Variants in SAMD4A observed in about 807,000 individuals in gnomAD.
SAMD4A encodes the protein sterile alpha motif domain containing 4A.
Under a neutral mutation model 81.3 loss-of-function variants are expected in SAMD4A, and 33 were observed. The observed-to-expected ratio is 0.41, with a 90% confidence interval of 0.31 to 0.54. The LOEUF (loss-of-function observed/expected upper bound fraction) is 0.54. Among genes scored for constraint, SAMD4A ranks in the 20% least tolerant of loss-of-function variants. The pLI is 0.37. For synonymous variants in SAMD4A, 389 were observed against 382.1 expected, an observed-to-expected ratio of 1.02 and a Z score of -0.21; for missense variants, 854 against 951.1, an observed-to-expected ratio of 0.90 and a Z score of 1.34.
At chr14:54,573,181 G>T (rs1337291322) in intron 2 of SAMD4A, among the ~76,000 whole-genome samples, 1 of 152,164 alleles carries the variant, frequency 6.6e-6, no homozygotes, top group Non-Finnish European at 1.5e-5. Context: ...ACTGCTGCTT[G>T]TAAGTTGTAG....
chr14:54,569,380 G>C (rs2033061640), intron 2 of SAMD4A, among the ~76,000 whole-genome samples: 1 of 152,192 alleles, frequency 6.6e-6, no homozygotes, highest in African/African-American at 2.4e-5. Context: ...TAGGGTGGAA[G>C]TGACCGCTGG....
At chr14:54,639,304 C>T (rs925800286) in intron 2 of SAMD4A, among the ~76,000 whole-genome samples, 16 of 152,226 alleles carry the variant, frequency 1.1e-4, no homozygotes, top group African/African-American at 3.6e-4. Flanking sequence ...ACAATCTCCT[C>T]TAGCCTGCAG....
At chr14:54,723,194 G>A (rs199566148) in intron 3 of SAMD4A, among the ~76,000 whole-genome samples, 46 of 151,980 alleles carry the variant, frequency 3.0e-4, no homozygotes, top group African/African-American at 1.1e-3. Flanking sequence ...TTGATTTTTT[G>A]TGTAGATGCT....
At position 54,755,492 on chromosome 14, in the gene SAMD4A, A is replaced by AGG. The variant is rs1400825500; in HGVS notation, c.1176+3958_1176+3959dup. ...CCCTGAGGAGCACCGTAAGATATGG[A>AGG]GGGGCTGAACAATAACACAGGCTAT... On this transcript the variant is annotated intron_variant, in intron 6 of 12. Transcript: ENST00000554335. 3.3e-5 allele frequency among the ~76,000 whole-genome samples: 5 copies of AGG among 152,246 alleles called. No homozygotes were observed. In the South Asian group the frequency reaches 1.0e-3, roughly 32 times the overall value.
chr14:54,745,816 G>A (rs2037954635), intron 4 of SAMD4A, among the ~76,000 whole-genome samples: 1 of 152,140 alleles, frequency 6.6e-6, no homozygotes, highest in Admixed American at 6.5e-5. Flanking sequence ...CCAACCAGAG[G>A]CATGCATGCC....
chr14:54,789,307 C>T lies in SAMD4A; in HGVS notation c.*363C>T, dbSNP rs2039219055. 2 of 281,128 alleles carry T rather than the reference C, an allele frequency of 7.1e-6. No homozygotes were observed. The highest frequency in any genetic ancestry group is 4.7e-5 in the Admixed American group (1 of 21,350). The allele number at this position is 281,128 out of a possible 1,614,324, so 17.4% of individuals were successfully genotyped here. A position where few individuals can be genotyped will look rare whatever the true frequency, so the allele number is the denominator to read the frequency against. ...AAGAGATAGGAGACACATAAGAGGA[C>T]AGCAGAAGCCCTGGCCCTGGGGAGG... On this transcript the variant is annotated 3_prime_UTR_variant, in exon 13 of 13. Coordinates refer to ENST00000554335, the MANE Select transcript of SAMD4A (RefSeq NM_015589.6).
At chr14:54,574,445 A>G (rs1266145221) in intron 2 of SAMD4A, among the ~76,000 whole-genome samples, 1 of 152,186 alleles carries the variant, frequency 6.6e-6, no homozygotes, top group Admixed American at 6.5e-5. Flanking sequence ...AAAACCACAC[A>G]TGCAGGGAAC....
chr14:54,642,809 C>A (rs961567875), intron 2 of SAMD4A, among the ~76,000 whole-genome samples: 7 of 152,162 alleles, frequency 4.6e-5, no homozygotes, highest in Non-Finnish European at 8.8e-5. Context: ...AACCTGCAGA[C>A]CCTGCATGCG....
intron 3 of SAMD4A, among the ~76,000 whole-genome samples, chr14:54,716,680 G>A (rs2037126491): frequency 6.6e-6 from 1 of 152,128 alleles, no homozygotes; most frequent in African/African-American, 2.4e-5. Context: ...ATAAAGTATT[G>A]AAAACAAATA....
chr14:54,783,534 G>A (rs555366108), intron 11 of SAMD4A, among the ~76,000 whole-genome samples: 6 of 152,328 alleles, frequency 3.9e-5, no homozygotes, highest in East Asian at 1.9e-4. Flanking sequence ...CAGCACTGTC[G>A]GTCAGTGGGA....
rs371698117 is a variant in SAMD4A, at chr14:54,776,436, G to A, written c.1940G>A (p.Gly647Glu). 7.5e-6 allele frequency: 12 copies of A among 1,591,198 alleles called. No individual in the cohort carries two copies. Among genetic ancestry groups the A allele is most frequent in the Non-Finnish European group, 1.0e-5 (12 of 1,169,910 alleles). Reference sequence around the variant, plus strand: ...CAGAACCTGTGGTTTGCCAACCCCGGGGGCAGCAATAGCATGCCAAGCCGC... The same window carrying A: ...CAGAACCTGTGGTTTGCCAACCCCGAGGGCAGCAATAGCATGCCAAGCCGC... ...GRQNLWFANPGGSNSMPSRTH... is the reference protein window; with the variant it reads ...GRQNLWFANPEGSNSMPSRTH... The change falls in exon 11 of 13, where the codon GGG (glycine) becomes GAG (glutamate). Residue 647 changes from glycine to glutamate, a missense_variant. Transcript: ENST00000554335.
At chr14:54,651,103 G>A (rs2035393794) in intron 2 of SAMD4A, among the ~76,000 whole-genome samples, 1 of 152,166 alleles carries the variant, frequency 6.6e-6, no homozygotes, top group South Asian at 2.1e-4. Flanking sequence ...GTGAGGAACT[G>A]TAAATAAGCA....
intron 2 of SAMD4A, among the ~76,000 whole-genome samples, chr14:54,571,252 T>C (rs117294824): frequency 0.024 from 3,595 of 152,314 alleles, 56 homozygotes; most frequent in Middle Eastern, 0.051. Flanking sequence ...AATGATTGAA[T>C]CAGTCCCTAT....
At chr14:54,572,823 T>G (rs1256852022) in intron 2 of SAMD4A, among the ~76,000 whole-genome samples, 2 of 152,206 alleles carry the variant, frequency 1.3e-5, no homozygotes, top group African/African-American at 4.8e-5. Context: ...TTGCCTTTAA[T>G]TAATATAGAA....
At position 54,702,305 on chromosome 14, in the gene SAMD4A, T is replaced by C; in HGVS notation, c.440T>C (p.Leu147Pro). The change falls in exon 3 of 13, where the codon CTG (leucine) becomes CCG (proline). Residue 147 changes from leucine to proline, a missense_variant. Physicochemically the swap from Leu to Pro is moderately conservative, Grantham distance 98. This residue lies in a region of SAMD4A where 387 missense variants were observed against 405.8 expected (regional missense o/e 0.95). Transcript: ENST00000554335. ...GACCGTAGTGCTTTAGCCATGTGGC[T>C]GAATCACTTGGAGGACCGCACGTCG... ...LEDRSALAMWLNHLEDRTSTS... is the reference protein window; with the variant it reads ...LEDRSALAMWPNHLEDRTSTS... 6.2e-7 allele frequency: 1 copy of C among 1,614,106 alleles called. No homozygotes were observed. Among genetic ancestry groups the C allele is most frequent in the Non-Finnish European group, 8.5e-7 (1 of 1,179,970 alleles).
chr14:54,614,718 C>T (rs1043826629), intron 2 of SAMD4A, among the ~76,000 whole-genome samples: 2 of 152,110 alleles, frequency 1.3e-5, no homozygotes, highest in African/African-American at 2.4e-5. Flanking sequence ...AATGCAAAGC[C>T]TTACAACAAA....
chr14:54,747,109 A>G (rs2037988122), intron 4 of SAMD4A, among the ~76,000 whole-genome samples: 2 of 152,142 alleles, frequency 1.3e-5, no homozygotes, highest in South Asian at 4.1e-4. Context: ...AGGGGTTAGT[A>G]TGATGTGTTG....
chr14:54,764,639 GT>G, intron 8 of SAMD4A, 99 bp downstream of exon 8: 1 of 771,080 alleles, frequency 1.3e-6, no homozygotes. Flanking sequence ...CCAACAACTT[GT>G]TTTTGAGTGG....
intron 9 of SAMD4A, among the ~76,000 whole-genome samples, chr14:54,770,498 G>C (rs922390403): frequency 5.9e-5 from 9 of 152,368 alleles, no homozygotes; most frequent in African/African-American, 2.2e-4. Context: ...AGGGGAGAGT[G>C]GGTATGATTT....
Sources: gnomAD v4.1 joint callset for allele counts (sites outside exome capture counted in the v4.1 genomes callset) on GRCh38, gnomAD v4.1.1 for gene constraint, gnomAD v4.1.1 regional missense constraint, MANE v1.5 for transcripts, NCBI Gene and HGNC (gene_info 2026-07-23, HGNC 2026-07-21) for gene names.